Variants in ZRANB3 observed in about 807,000 individuals in gnomAD.
The protein encoded by ZRANB3 is DNA annealing helicase and endonuclease ZRANB3.
Under a neutral mutation model 133.8 loss-of-function variants are expected in ZRANB3, and 125 were observed. That is an observed-to-expected ratio of 0.93 (90% CI 0.81 to 1.08). The LOEUF is 1.08. Among genes scored for constraint, ZRANB3 ranks in the 50% least tolerant of loss-of-function variants. The probability of loss-of-function intolerance (pLI) is 0.00; values close to 1 mark genes in which losing one functional copy is unlikely to be tolerated. For missense variants in ZRANB3, 1,229 were observed against 1,275.5 expected (o/e 0.96, Z 0.56); for synonymous variants, 387 against 432.7 (o/e 0.89, Z 1.31).
intron 2 of ZRANB3, among the ~76,000 whole-genome samples, chr2:135,423,078 A>C (rs1688926729): frequency 6.6e-6 from 1 of 152,206 alleles, no homozygotes. Context: ...TTGTAGGCAC[A>C]TCATTCTAAT....
intron 6 of ZRANB3, among the ~76,000 whole-genome samples, chr2:135,337,861 T>G (rs1684437682): frequency 2.6e-5 from 4 of 152,226 alleles, no homozygotes. Context: ...ACGTAAGTAC[T>G]CCTCTTAGTA....
At position 135,333,580 on chromosome 2, in the gene ZRANB3, T is replaced by C. The variant is rs372026369; in HGVS notation, c.677+11970A>G. Among the ~76,000 whole-genome samples, 3 of 152,304 alleles carry C rather than the reference T, an allele frequency of 2.0e-5. No homozygotes were observed. In the East Asian group the frequency reaches 5.8e-4, roughly 29 times the overall value. The stretch of plus-strand genomic sequence containing the variant: ...TATCTTAGATAATAAATCAAATCTA[T>C]AAATCTAATGATGTTTGTTTCATGC... On this transcript the variant is annotated intron_variant, in intron 6 of 20. Coordinates refer to ENST00000264159, the MANE Select transcript of ZRANB3 (RefSeq NM_032143.4).
chr2:135,525,574 A>C (rs1694118040), intron 1 of ZRANB3, among the ~76,000 whole-genome samples: 1 of 152,230 alleles, frequency 6.6e-6, no homozygotes, highest in South Asian at 2.1e-4. Context: ...TGGGCCGGGC[A>C]CAATGGCTCA....
At chr2:135,246,577 A>G (rs1245664511) in intron 12 of ZRANB3, among the ~76,000 whole-genome samples, 1 of 152,236 alleles carries the variant, frequency 6.6e-6, no homozygotes, top group Non-Finnish European at 1.5e-5. Flanking sequence ...AAGAAGGAAG[A>G]GTGATCTAAG....
intron 2 of ZRANB3, among the ~76,000 whole-genome samples, chr2:135,499,590 G>A (rs149948686): frequency 2.0e-4 from 31 of 152,202 alleles, no homozygotes; most frequent in East Asian, 9.7e-4. Flanking sequence ...GCTAATAAGC[G>A]TATGACAAGG....
intron 2 of ZRANB3, among the ~76,000 whole-genome samples, chr2:135,463,018 CTG>C (rs1690830672): frequency 1.3e-5 from 2 of 152,126 alleles, no homozygotes; most frequent in Non-Finnish European, 2.9e-5. Flanking sequence ...TCATGTAAGT[CTG>C]AGATTTGCTT....
intron 2 of ZRANB3, among the ~76,000 whole-genome samples, chr2:135,458,799 T>C (rs1315958750): frequency 6.6e-6 from 1 of 152,174 alleles, no homozygotes; most frequent in Non-Finnish European, 1.5e-5. Context: ...TAGGGTGATA[T>C]GTGCTAAATT....
chr2:135,296,277 C>A (rs1398426123), intron 8 of ZRANB3, among the ~76,000 whole-genome samples: 1 of 152,120 alleles, frequency 6.6e-6, no homozygotes, highest in East Asian at 1.9e-4. Context: ...TTGTTCATTT[C>A]TTTTTATTCT....
chr2:135,483,466 C>T (rs958208379), intron 2 of ZRANB3, among the ~76,000 whole-genome samples: 3 of 151,946 alleles, frequency 2.0e-5, no homozygotes, highest in African/African-American at 7.2e-5. Flanking sequence ...TGGTGATATC[C>T]CCTTTATCAT....
chr2:135,393,030 C>G (rs936101256), intron 2 of ZRANB3, among the ~76,000 whole-genome samples: 4 of 151,956 alleles, frequency 2.6e-5, no homozygotes, highest in Middle Eastern at 3.4e-3. Flanking sequence ...GCCACCACAC[C>G]CAGCTATTTT....
At chr2:135,297,372 G>A (rs993429021) in intron 8 of ZRANB3, among the ~76,000 whole-genome samples, 3 of 152,318 alleles carry the variant, frequency 2.0e-5, no homozygotes, top group South Asian at 2.1e-4. Flanking sequence ...ATGACCCTCC[G>A]AGACAGGTGC....
intron 2 of ZRANB3, among the ~76,000 whole-genome samples, chr2:135,394,781 G>C (rs1687399800): frequency 6.6e-6 from 1 of 151,764 alleles, no homozygotes; most frequent in Admixed American, 6.6e-5. Flanking sequence ...CAAGAGAGGG[G>C]AAGAATCCAG....
chr2:135,395,442 C>CTTTT (rs533900626), intron 2 of ZRANB3, among the ~76,000 whole-genome samples: 1 of 135,984 alleles, frequency 7.4e-6, no homozygotes, highest in African/African-American at 2.7e-5. Context: ...GCAAAGATTT[C>CTTTT]TTTTTTTTTT....
At chr2:135,244,796 T>C (rs990780990) in intron 12 of ZRANB3, among the ~76,000 whole-genome samples, 3 of 151,750 alleles carry the variant, frequency 2.0e-5, no homozygotes, top group African/African-American at 4.9e-5. Flanking sequence ...TTTGGGAAAA[T>C]AGCATTTGAG....
intron 2 of ZRANB3, 122 bp from the exon 3 acceptor site, chr2:135,390,942 C>A: frequency 5.1e-6 from 5 of 988,846 alleles, no homozygotes; most frequent in Non-Finnish European, 1.4e-6. Flanking sequence ...CTCACTGCAA[C>A]CTCTGTCTCC....
intron 8 of ZRANB3, among the ~76,000 whole-genome samples, chr2:135,297,544 C>A (rs1271374371): frequency 1.3e-5 from 2 of 152,216 alleles, no homozygotes; most frequent in Non-Finnish European, 2.9e-5. Context: ...CGATGCCTCG[C>A]CCTGCTTTGG....
intron 6 of ZRANB3, among the ~76,000 whole-genome samples, chr2:135,320,405 T>G (rs1683466518): frequency 6.6e-6 from 1 of 152,214 alleles, no homozygotes; most frequent in African/African-American, 2.4e-5. Flanking sequence ...AAAGGATACT[T>G]AATTCCTAAC....
intron 2 of ZRANB3, among the ~76,000 whole-genome samples, chr2:135,458,350 G>A (rs532417237): frequency 4.3e-4 from 65 of 151,794 alleles, no homozygotes; most frequent in African/African-American, 1.4e-3. Context: ...GGCTATCTTG[G>A]ATCCTTTGCA....
intron 2 of ZRANB3, among the ~76,000 whole-genome samples, chr2:135,403,144 G>A (rs1687820680): frequency 6.6e-6 from 1 of 152,196 alleles, no homozygotes; most frequent in South Asian, 2.1e-4. Flanking sequence ...AGGAGCCGAA[G>A]CTGGGTGAGG....
Sources: gnomAD v4.1 joint callset for allele counts (sites outside exome capture counted in the v4.1 genomes callset) on GRCh38, gnomAD v4.1.1 for gene constraint, MANE v1.5 for transcripts, NCBI Gene and HGNC (gene_info 2026-07-23, HGNC 2026-07-21) for gene names.